Variants in ARHGAP6 observed in about 807,000 individuals in gnomAD.
ARHGAP6 encodes the protein rho GTPase-activating protein 6.
Under a neutral mutation model 55.7 loss-of-function variants are expected in ARHGAP6, and 16 were observed. The observed-to-expected ratio is 0.29, with a 90% CI of 0.19 to 0.44. The LOEUF (loss-of-function observed/expected upper bound fraction) is 0.44. Ranked by LOEUF, ARHGAP6 falls within the 20% of genes least tolerant of loss-of-function variation. ARHGAP6 has a pLI of 1.00. For missense variants in ARHGAP6, 698 were observed against 808.9 expected, an observed-to-expected ratio of 0.86 and a Z score of 1.66; for synonymous variants, 382 against 360.9, an observed-to-expected ratio of 1.06 and a Z score of -0.66.
At chrX:11,143,939 C>A in intron 11 of ARHGAP6, 41 bp downstream of exon 11, 1 of 1,211,985 alleles carries the variant, frequency 8.3e-7, no homozygotes, top group Non-Finnish European at 1.1e-6. Context: ...AGAGGAGGGT[C>A]GCTTGTTTTG....
At chrX:11,628,983 ACGTG>A (rs1437266343) in intron 1 of ARHGAP6, among the ~76,000 whole-genome samples, 3 of 71,827 alleles carry the variant, frequency 4.2e-5, no homozygotes, top group African/African-American at 5.7e-5. Context: ...TGCTTCAGAT[ACGTG>A]TGTGTGTGTG....
intron 1 of ARHGAP6, among the ~76,000 whole-genome samples, chrX:11,543,176 G>A (rs6640746): frequency 0.23 from 25,367 of 111,728 alleles, 2,849 homozygotes; most frequent in East Asian, 0.77. Context: ...AAATTTAGAT[G>A]GGGATGCTTG....
intron 1 of ARHGAP6, among the ~76,000 whole-genome samples, chrX:11,315,127 T>A (rs1329051459): frequency 8.9e-6 from 1 of 112,324 alleles, no homozygotes; most frequent in East Asian, 2.8e-4. Flanking sequence ...TTTGCCCAGA[T>A]GGAAAAACAA....
chrX:11,223,217 C>T, intron 2 of ARHGAP6: 1 of 160,328 alleles, frequency 6.2e-6, no homozygotes. Context: ...CAAAAGCTTG[C>T]AACGAAACAA....
chrX:11,228,845 C>T (rs745678039), intron 2 of ARHGAP6, among the ~76,000 whole-genome samples: 1 of 112,014 alleles, frequency 8.9e-6, no homozygotes, highest in East Asian at 2.8e-4. Flanking sequence ...CTACACTAAA[C>T]CACATGACAG....
At chrX:11,379,693 C>T (rs1012803351) in intron 1 of ARHGAP6, among the ~76,000 whole-genome samples, 8 of 111,576 alleles carry the variant, frequency 7.2e-5, no homozygotes, top group Admixed American at 4.8e-4. Context: ...CTGTCCAGAA[C>T]ATAATCTTTA....
intron 1 of ARHGAP6, among the ~76,000 whole-genome samples, chrX:11,448,537 A>C (rs1297779838): frequency 9.0e-6 from 1 of 111,632 alleles, no homozygotes; most frequent in African/African-American, 3.3e-5. Flanking sequence ...TCTTTTCTCA[A>C]GCCCCTGCAT....
At chrX:11,377,518 G>A (rs143964528) in intron 1 of ARHGAP6, among the ~76,000 whole-genome samples, 340 of 112,095 alleles carry the variant, frequency 3.0e-3, no homozygotes, top group African/African-American at 9.2e-3. Flanking sequence ...ACTAAAAGCC[G>A]TTGAGTTGTA....
At chrX:11,171,424 G>T (rs1392499254) in intron 8 of ARHGAP6, among the ~76,000 whole-genome samples, 1 of 110,208 alleles carries the variant, frequency 9.1e-6, no homozygotes, top group Non-Finnish European at 1.9e-5. Context: ...CTGTCTTCAG[G>T]CTTCATTGGC....
chrX:11,442,559 A>G (rs185037535), intron 1 of ARHGAP6, among the ~76,000 whole-genome samples: 206 of 111,753 alleles, frequency 1.8e-3, no homozygotes, highest in African/African-American at 6.4e-3. Flanking sequence ...GAAACGGGGG[A>G]AAAAATCCTT....
chrX:11,584,493 C>T (rs2051702506), intron 1 of ARHGAP6, among the ~76,000 whole-genome samples: 1 of 111,442 alleles, frequency 9.0e-6, no homozygotes, highest in East Asian at 2.8e-4. Flanking sequence ...ATACCTAATC[C>T]CTTGGGTATT....
At chrX:11,356,774 T>G (rs1300240239) in intron 1 of ARHGAP6, among the ~76,000 whole-genome samples, 1 of 112,204 alleles carries the variant, frequency 8.9e-6, no homozygotes, top group African/African-American at 3.2e-5. Flanking sequence ...GCATACATTA[T>G]GTTTTGATAT....
intron 1 of ARHGAP6, among the ~76,000 whole-genome samples, chrX:11,514,778 CT>C (rs1330963971): frequency 9.1e-6 from 1 of 110,206 alleles, no homozygotes; most frequent in Admixed American, 9.8e-5. Context: ...TTGATAATTA[CT>C]GTACAACAAA....
chrX:11,433,262 T>C (rs2049957438), intron 1 of ARHGAP6, among the ~76,000 whole-genome samples: 1 of 112,260 alleles, frequency 8.9e-6, no homozygotes, highest in African/African-American at 3.2e-5. Context: ...GTCGAGAATA[T>C]GATAATCCGA....
At chrX:11,213,997 A>G (rs1274689994) in intron 2 of ARHGAP6, among the ~76,000 whole-genome samples, 2 of 111,784 alleles carry the variant, frequency 1.8e-5, no homozygotes, top group Non-Finnish European at 3.8e-5. Context: ...AAACATTTCT[A>G]TAATACTTGA....
chrX:11,522,789 C>T (rs762693924), intron 1 of ARHGAP6, among the ~76,000 whole-genome samples: 15 of 111,445 alleles, frequency 1.3e-4, no homozygotes, highest in East Asian at 2.8e-4. Context: ...GATTCACAGC[C>T]GAATTCTACC....
intron 1 of ARHGAP6, among the ~76,000 whole-genome samples, chrX:11,462,940 A>G (rs930985624): frequency 8.9e-6 from 1 of 112,534 alleles, no homozygotes; most frequent in Non-Finnish European, 1.9e-5. Flanking sequence ...AAAGTACTTG[A>G]GTGTATTCTT....
At chrX:11,165,104 G>A (rs935669667) in intron 9 of ARHGAP6, among the ~76,000 whole-genome samples, 2 of 111,392 alleles carry the variant, frequency 1.8e-5, no homozygotes, top group African/African-American at 6.5e-5. Context: ...TAAAGGTAAG[G>A]GAATATAAGC....
At chrX:11,489,827 T>C (rs1251594769) in intron 1 of ARHGAP6, among the ~76,000 whole-genome samples, 1 of 111,663 alleles carries the variant, frequency 9.0e-6, no homozygotes, top group Non-Finnish European at 1.9e-5. Context: ...GCCAAGGGAT[T>C]GGTGACTTGA....
Sources: gnomAD v4.1 joint callset for allele counts (sites outside exome capture counted in the v4.1 genomes callset) on GRCh38, gnomAD v4.1.1 for gene constraint, MANE v1.5 for transcripts, NCBI Gene and HGNC (gene_info 2026-07-23, HGNC 2026-07-21) for gene names.